Variants in ABHD5 observed in about 807,000 individuals in gnomAD.
The protein encoded by ABHD5 is abhydrolase domain containing 5, lysophosphatidic acid acyltransferase.
Under a neutral mutation model 44.9 loss-of-function variants are expected in ABHD5, and 30 were observed. The ratio of observed to expected loss-of-function variants is 0.67; its 90% CI spans 0.50 to 0.91. The LOEUF (loss-of-function observed/expected upper bound fraction) is 0.91, where lower values mean the gene tolerates loss of function less well. Ranked by LOEUF, ABHD5 falls within the 40% of genes least tolerant of loss-of-function variation. The probability of loss-of-function intolerance (pLI) is 0.00; values close to 1 mark genes in which losing one functional copy is unlikely to be tolerated. For synonymous variants in ABHD5, 167 were observed against 147.0 expected, an observed-to-expected ratio of 1.14 and a Z score of -0.99; for missense variants, 399 against 423.4, an observed-to-expected ratio of 0.94 and a Z score of 0.50.
Position 43,720,101 on chromosome 3 carries a change from A to G in ABHD5, c.*1569A>G, listed in dbSNP as rs2084816211. 6.6e-6 allele frequency: 1 copy of G among 152,240 alleles called. No homozygotes were observed. Among genetic ancestry groups the G allele is most frequent in the South Asian group, 2.1e-4 (1 of 4,834 alleles). The allele number at this position is 152,240 out of a possible 1,614,324, so 9.4% of individuals were successfully genotyped here. On this transcript the variant is annotated 3_prime_UTR_variant, in exon 7 of 7. Transcript: ENST00000644371. Reference sequence around the variant, plus strand: ...TCTCACTTGTCAGATTAACTAGGTTAGTGCAGGAAGCAACATGAGCGCCAA... The same window carrying G: ...TCTCACTTGTCAGATTAACTAGGTTGGTGCAGGAAGCAACATGAGCGCCAA...
rs1428349214 is a variant in ABHD5 at position 43,691,105 on chromosome 3, G to A, written c.47+66G>A. The A allele has an allele frequency of 6.9e-6, 10 of 1,442,090 alleles. No individual in the cohort carries two copies. The Admixed American group carries it at 1.8e-4, about 26-fold the overall frequency. 89.3% of individuals were successfully genotyped at this position (1,442,090 alleles called of 1,614,324 possible). On this transcript the variant is annotated intron_variant, in intron 1 of 6. Transcript: ENST00000644371. ...GCACCCTCCGCGCGGGCCGGGTTAG[G>A]GCCCAGCGGGCAGCACCAAGGAGTC... is the stretch of plus-strand genomic sequence containing the variant.
intron 3 of ABHD5, among the ~76,000 whole-genome samples, chr3:43,710,382 T>C (rs1413013134): frequency 6.6e-6 from 1 of 152,202 alleles, no homozygotes; most frequent in African/African-American, 2.4e-5. Flanking sequence ...TTTTAGAAAA[T>C]AAAGCCTTCT....
In ABHD5 at chr3:43,720,635, G is replaced by C. The variant is rs1035036323; in HGVS notation, c.*2103G>C. 2.0e-5 allele frequency: 3 copies of C among 152,110 alleles called. No individual in the cohort carries two copies. Among genetic ancestry groups the C allele is most frequent in the African/African-American group, 7.2e-5 (3 of 41,418 alleles). The allele number at this position is 152,110 out of a possible 1,614,324, so 9.4% of individuals were successfully genotyped here. On this transcript the variant is annotated 3_prime_UTR_variant, in exon 7 of 7. Coordinates refer to ENST00000644371, the MANE Select transcript of ABHD5 (RefSeq NM_016006.6). ...TTCTTAAAAATCTAGTACAGCATTT[G>C]ATCTTTGTTATGCACAGCATACTTT...
At chr3:43,691,354 A>T in intron 1 of ABHD5, 1 of 221,258 alleles carries the variant, frequency 4.5e-6, no homozygotes, top group Non-Finnish European at 8.8e-6. Context: ...CCGGCGACGG[A>T]GCTGGCCGCG....
At chr3:43,717,198 A>C (rs1057509038) in intron 5 of ABHD5, among the ~76,000 whole-genome samples, 23 of 133,808 alleles carry the variant, frequency 1.7e-4, no homozygotes, top group African/African-American at 3.8e-4. Flanking sequence ...AAAACAAAAA[A>C]AAAAAATGAA....
chr3:43,708,379 G>A (rs1367095426), intron 3 of ABHD5, among the ~76,000 whole-genome samples: 2 of 152,142 alleles, frequency 1.3e-5, no homozygotes, highest in African/African-American at 2.4e-5. Flanking sequence ...TAATTTAGAT[G>A]TACATTAAAA....
chr3:43,692,951 T>C (rs1293340720), intron 1 of ABHD5, among the ~76,000 whole-genome samples: 16 of 152,186 alleles, frequency 1.1e-4, no homozygotes, highest in Admixed American at 1.0e-3. Flanking sequence ...ATCTGATGGC[T>C]TTTTGGAGAA....
chr3:43,694,590 C>G (rs6781782), intron 1 of ABHD5, among the ~76,000 whole-genome samples: 13,116 of 151,952 alleles, frequency 0.086, 791 homozygotes, highest in South Asian at 0.21. Flanking sequence ...ATATAAGTGA[C>G]TCTAAAATGG....
chr3:43,715,659 G>A (rs915654038), intron 5 of ABHD5, among the ~76,000 whole-genome samples: 8 of 152,190 alleles, frequency 5.3e-5, no homozygotes, highest in Non-Finnish European at 7.3e-5. Context: ...TCATGAACAT[G>A]TTGAGAAAGT....
exon 8 of ABHD5, chr3:43,733,922 A>G (rs1019972856): frequency 4.6e-5 from 7 of 152,146 alleles, no homozygotes; most frequent in African/African-American, 1.7e-4. Flanking sequence ...GGAAGTCTGG[A>G]TTCTTGTCCC....
At chr3:43,710,444 T>C (rs2084673729) in intron 3 of ABHD5, among the ~76,000 whole-genome samples, 1 of 152,158 alleles carries the variant, frequency 6.6e-6, no homozygotes, top group Admixed American at 6.5e-5. Context: ...GAAATGTGGG[T>C]TTCAGCCCTA....
chr3:43,710,611 C>G (rs1252872654), intron 3 of ABHD5, among the ~76,000 whole-genome samples: 1 of 152,196 alleles, frequency 6.6e-6, no homozygotes, highest in Admixed American at 6.5e-5. Context: ...ACAGTATGGA[C>G]CTGTTACTAA....
intron 1 of ABHD5, 180 bp downstream of exon 1, chr3:43,691,219 C>A: frequency 1.9e-6 from 1 of 514,822 alleles, no homozygotes; most frequent in Non-Finnish European, 3.0e-6. Flanking sequence ...CGCCGCTCTG[C>A]CTGGGAGAGG....
chr3:43,715,207 C>A, intron 5 of ABHD5, 149 bp downstream of exon 5: 1 of 613,078 alleles, frequency 1.6e-6, no homozygotes, highest in Non-Finnish European at 2.9e-6. Context: ...GTCACCCAGG[C>A]TGGAGGGCAA....
At chr3:43,716,619 TC>T (rs779588105) in intron 5 of ABHD5, among the ~76,000 whole-genome samples, 74 of 152,276 alleles carry the variant, frequency 4.9e-4, no homozygotes, top group Admixed American at 9.1e-4. Flanking sequence ...GGCTAGAGGT[TC>T]AAGGTCTTCA....
At chr3:43,717,897 A>C in intron 6 of ABHD5, 40 bp downstream of exon 6, 1 of 1,612,718 alleles carries the variant, frequency 6.2e-7, no homozygotes, top group Non-Finnish European at 8.5e-7. Flanking sequence ...GGTATAGGTG[A>C]GGTCCGTTTT....
downstream of ABHD5, among the ~76,000 whole-genome samples, chr3:43,724,266 C>T (rs778414335): frequency 2.0e-5 from 3 of 151,964 alleles, no homozygotes; most frequent in East Asian, 3.9e-4. Context: ...TTGTGAATAA[C>T]GCAGCAGAAA....
chr3:43,697,099 G>A (rs1209810854), intron 1 of ABHD5, among the ~76,000 whole-genome samples: 2 of 152,184 alleles, frequency 1.3e-5, no homozygotes, highest in Admixed American at 6.5e-5. Flanking sequence ...TTGAAAGCTG[G>A]TTTTGTGGTA....
intron 7 of ABHD5, among the ~76,000 whole-genome samples, chr3:43,731,318 G>T (rs953099307): frequency 1.3e-5 from 2 of 152,158 alleles, no homozygotes; most frequent in East Asian, 1.9e-4. Context: ...CAACAGACTG[G>T]CACTCAATGG....
Sources: gnomAD v4.1 joint callset for allele counts (sites outside exome capture counted in the v4.1 genomes callset) on GRCh38, gnomAD v4.1.1 for gene constraint, MANE v1.5 for transcripts, NCBI Gene and HGNC (gene_info 2026-07-23, HGNC 2026-07-21) for gene names.